The following CNTN6 variants were observed in gnomAD, a reference collection of about 807,000 sequenced individuals.
The protein encoded by CNTN6 is contactin-6.
A neutral mutation model predicts 122.8 loss-of-function variants in CNTN6; 137 were observed. The ratio of observed to expected loss-of-function variants is 1.12; its 90% CI spans 0.97 to 1.29. The LOEUF (loss-of-function observed/expected upper bound fraction) is 1.29, where lower values mean the gene tolerates loss of function less well. CNTN6 is among the 50% of genes most tolerant of loss of function. CNTN6 has a pLI of 0.00. For synonymous variants in CNTN6, 570 were observed against 426.0 expected (o/e 1.34, Z -4.16); for missense variants, 1,634 against 1,223.4 (o/e 1.34, Z -5.01).
At chr3:1,363,544 C>T in intron 12 of CNTN6, among the ~76,000 whole-genome samples, 1 of 151,832 alleles carries the variant, frequency 6.6e-6, no homozygotes, top group Admixed American at 6.6e-5. Flanking sequence ...CTTACTTCAC[C>T]TAGCATAGTT....
At chr3:1,103,009 G>C (rs2091019614) in intron 1 of CNTN6, among the ~76,000 whole-genome samples, 1 of 151,300 alleles carries the variant, frequency 6.6e-6, no homozygotes, top group African/African-American at 2.4e-5. Context: ...GGGAGGCTGA[G>C]GCAGGAGAAT....
chr3:1,197,289 C>G (rs924574221), intron 2 of CNTN6, among the ~76,000 whole-genome samples: 6 of 152,178 alleles, frequency 3.9e-5, no homozygotes, highest in Non-Finnish European at 8.8e-5. Flanking sequence ...ACTGAAGCAG[C>G]TCCTGGTTAA....
intron 11 of CNTN6, among the ~76,000 whole-genome samples, chr3:1,339,642 A>C (rs1703600408): frequency 6.6e-6 from 1 of 152,088 alleles, no homozygotes; most frequent in African/African-American, 2.4e-5. Context: ...GAAAAGTGGG[A>C]GGTACAGGCT....
chr3:1,282,415 T>C (rs1460201444), intron 5 of CNTN6, among the ~76,000 whole-genome samples: 1 of 152,230 alleles, frequency 6.6e-6, no homozygotes, highest in African/African-American at 2.4e-5. Context: ...CAAGACGCTC[T>C]ATTTTATCAT....
rs575502899 is a variant in CNTN6, at chr3:1,153,946, C to T, written c.55+5883C>T. On this transcript the variant is annotated intron_variant, in intron 2 of 22. Coordinates refer to ENST00000446702, the MANE Select transcript of CNTN6 (RefSeq NM_001289080.2). Reference sequence around the variant, plus strand: ...TACGTCACAACCCACACTCTGCCTACGGTCTTGTTTGGATTTATTGTTAGC... The same window carrying T: ...TACGTCACAACCCACACTCTGCCTATGGTCTTGTTTGGATTTATTGTTAGC... 9.2e-5 allele frequency among the ~76,000 whole-genome samples: 14 copies of T among 152,278 alleles called. No individual in the cohort carries two copies. The East Asian group carries it at 1.5e-3, about 17-fold the overall frequency.
chr3:1,222,505 T>G (rs972364407), intron 3 of CNTN6, among the ~76,000 whole-genome samples: 1 of 152,130 alleles, frequency 6.6e-6, no homozygotes, highest in Non-Finnish European at 1.5e-5. Context: ...TCTATTGGCT[T>G]TTAACAGTTA....
At position 1,169,672 on chromosome 3, in the gene CNTN6, T is replaced by C. The variant is rs75135794; in HGVS notation, c.55+21609T>C. On this transcript the variant is annotated intron_variant, in intron 2 of 22. Coordinates refer to ENST00000446702, the MANE Select transcript of CNTN6 (RefSeq NM_001289080.2). ...AATTTTCCAAATGGATTTATACTATTTTTAAAATAAAAATGGTCAAGCCTT... is the reference window on the plus strand; with the variant it reads ...AATTTTCCAAATGGATTTATACTATCTTTAAAATAAAAATGGTCAAGCCTT... Among the ~76,000 whole-genome samples the C allele has an allele frequency of 3.9e-3, 589 of 152,340 alleles. 5 individuals carry two copies. The highest frequency in any genetic ancestry group is 0.013 in the African/African-American group (553 of 41,584).
At position 1,377,999 on chromosome 3, in the gene CNTN6, C is replaced by G. The variant is rs1199898185; in HGVS notation, c.2166+924C>G. 3.9e-5 allele frequency among the ~76,000 whole-genome samples: 6 copies of G among 152,126 alleles called. No individual in the cohort carries two copies. The East Asian group carries it at 1.2e-3, about 29-fold the overall frequency. On this transcript the variant is annotated intron_variant, in intron 17 of 22. Transcript: ENST00000446702. Reference sequence around the variant, plus strand: ...CCACCAAGGACTCCCAACTGCAATTCCTTGGTGCAGACCCAACTGGCTGCT... The same window carrying G: ...CCACCAAGGACTCCCAACTGCAATTGCTTGGTGCAGACCCAACTGGCTGCT...
intron 2 of CNTN6, among the ~76,000 whole-genome samples, chr3:1,177,971 G>A (rs774018465): frequency 1.6e-4 from 23 of 148,300 alleles, no homozygotes; most frequent in Non-Finnish European, 3.1e-4. Context: ...TGCAATCTCC[G>A]CTCACTGCAA....
At chr3:1,384,040 A>G (rs1692362228) in intron 19 of CNTN6, among the ~76,000 whole-genome samples, 2 of 152,194 alleles carry the variant, frequency 1.3e-5, no homozygotes, top group South Asian at 4.1e-4. Flanking sequence ...AGTAAGGGAA[A>G]TCTTTCTAGG....
intron 12 of CNTN6, among the ~76,000 whole-genome samples, chr3:1,357,919 A>T (rs1706844597): frequency 6.6e-6 from 1 of 151,556 alleles, no homozygotes; most frequent in Non-Finnish European, 1.5e-5. Flanking sequence ...ATTTTAATGT[A>T]TATTCACTAA....
At chr3:1,176,755 A>G (rs1276632158) in intron 2 of CNTN6, among the ~76,000 whole-genome samples, 2 of 152,198 alleles carry the variant, frequency 1.3e-5, no homozygotes, top group Non-Finnish European at 2.9e-5. Context: ...AATAGAAGCA[A>G]TAGATACAGA....
At chr3:1,213,773 C>A (rs2125488265) in intron 2 of CNTN6, among the ~76,000 whole-genome samples, 1 of 151,720 alleles carries the variant, frequency 6.6e-6, no homozygotes, top group South Asian at 2.1e-4. Flanking sequence ...CAGAATAAAA[C>A]AAAGTAAAAA....
intron 4 of CNTN6, among the ~76,000 whole-genome samples, chr3:1,258,927 C>A (rs944434126): frequency 6.6e-6 from 1 of 152,072 alleles, no homozygotes; most frequent in African/African-American, 2.4e-5. Context: ...TGTAAAGAGC[C>A]AGATAGTAAA....
chr3:1,316,978 T>C (rs1275481572), intron 7 of CNTN6, among the ~76,000 whole-genome samples: 1 of 151,902 alleles, frequency 6.6e-6, no homozygotes, highest in Admixed American at 6.6e-5. Flanking sequence ...AAATAACCTG[T>C]GTTTTGCATT....
At chr3:1,132,081 T>G (rs1313883798) in intron 1 of CNTN6, among the ~76,000 whole-genome samples, 2 of 152,168 alleles carry the variant, frequency 1.3e-5, no homozygotes, top group Non-Finnish European at 2.9e-5. Context: ...AGTTTATTTA[T>G]ATGCGTACAT....
chr3:1,290,349 G>T (rs1222264999), intron 5 of CNTN6, among the ~76,000 whole-genome samples: 1 of 152,198 alleles, frequency 6.6e-6, no homozygotes, highest in East Asian at 1.9e-4. Context: ...ATGGGGGAGG[G>T]AATGGACAGT....
chr3:1,235,928 G>C (rs1230295657), intron 4 of CNTN6, among the ~76,000 whole-genome samples: 1 of 151,942 alleles, frequency 6.6e-6, no homozygotes, highest in Non-Finnish European at 1.5e-5. Flanking sequence ...GGTGGGGTGA[G>C]GCCTGTGACT....
chr3:1,110,124 T>A (rs937913628), intron 1 of CNTN6, among the ~76,000 whole-genome samples: 1 of 151,634 alleles, frequency 6.6e-6, no homozygotes, highest in Non-Finnish European at 1.5e-5. Flanking sequence ...TCACATCTGA[T>A]ATTTACATCA....
Sources: gnomAD v4.1 joint callset for allele counts (sites outside exome capture counted in the v4.1 genomes callset) on GRCh38, gnomAD v4.1.1 for gene constraint, MANE v1.5 for transcripts, NCBI Gene and HGNC (gene_info 2026-07-23, HGNC 2026-07-21) for gene names.